The following SOX5 variants were observed in gnomAD, a reference collection of about 807,000 sequenced individuals.
SOX5 encodes transcription factor SOX-5.
A neutral mutation model predicts 92.0 loss-of-function variants in SOX5; 9 were observed. That is an observed-to-expected ratio of 0.10 (90% CI 0.06 to 0.17). The LOEUF is 0.17. Ranked by LOEUF, SOX5 falls within the 10% of genes least tolerant of loss-of-function variation. The pLI is 1.00. For synonymous variants in SOX5, 344 were observed against 336.3 expected, an observed-to-expected ratio of 1.02 and a Z score of -0.25; for missense variants, 642 against 944.5, an observed-to-expected ratio of 0.68 and a Z score of 4.20.
intron 11 of SOX5, 24 bp from the exon 12 acceptor site, chr12:23,546,448 A>G: frequency 7.8e-7 from 1 of 1,286,660 alleles, no homozygotes; most frequent in Non-Finnish European, 1.1e-6. Flanking sequence ...ATAATGAGAG[A>G]TCAGTCTAGG....
chr12:24,069,447 A>G (rs908110382), intron 4 of SOX5, among the ~76,000 whole-genome samples: 7 of 152,350 alleles, frequency 4.6e-5, no homozygotes, highest in South Asian at 4.1e-4. Context: ...TAAAATAGTC[A>G]TATAATTTTA....
intron 1 of SOX5, among the ~76,000 whole-genome samples, chr12:23,901,982 A>C (rs1308488316): frequency 2.0e-5 from 3 of 152,214 alleles, no homozygotes; most frequent in Non-Finnish European, 4.4e-5. Flanking sequence ...AAGCTCTAAT[A>C]ATGTTTTCAA....
chr12:23,560,229 A>G (rs1156430661), intron 11 of SOX5, among the ~76,000 whole-genome samples: 1 of 152,158 alleles, frequency 6.6e-6, no homozygotes, highest in Non-Finnish European at 1.5e-5. Flanking sequence ...TACTTTAGAC[A>G]GAAAAAAATG....
chr12:24,114,205 A>G (rs555131423), intron 4 of SOX5, among the ~76,000 whole-genome samples: 3 of 152,246 alleles, frequency 2.0e-5, no homozygotes, highest in Non-Finnish European at 4.4e-5. Context: ...GGAGAGACAA[A>G]ATTTTCAAAA....
At chr12:24,542,779 T>C (rs1347508149) in intron 1 of SOX5, among the ~76,000 whole-genome samples, 3 of 152,230 alleles carry the variant, frequency 2.0e-5, no homozygotes, top group Non-Finnish European at 4.4e-5. Flanking sequence ...AACCACTATA[T>C]TAGTTGTCAC....
rs542447160 is a variant in SOX5, at chr12:24,458,466, A to G, written c.-250-89827T>C. 1.1e-4 allele frequency among the ~76,000 whole-genome samples: 16 copies of G among 152,284 alleles called. No individual in the cohort carries two copies. The South Asian group carries it at 1.2e-3, about 12-fold the overall frequency. ...CTCAGTCATGTTCAACGTGAGCTGA[A>G]CGCCAAAATCAGCTGGAGAGCTTCT... On this transcript the variant is annotated intron_variant, in intron 1 of 4. Coordinates refer to the SOX5 transcript ENST00000446891.
intron 9 of SOX5, among the ~76,000 whole-genome samples, chr12:23,580,403 C>G (rs955650390): frequency 3.9e-5 from 6 of 151,912 alleles, no homozygotes; most frequent in Non-Finnish European, 7.4e-5. Context: ...CAAACATTTG[C>G]TATTCTATAC....
chr12:23,817,560 T>G (rs571359967), intron 3 of SOX5, among the ~76,000 whole-genome samples: 6 of 152,330 alleles, frequency 3.9e-5, no homozygotes, highest in South Asian at 2.1e-4. Context: ...CATAGAGAGA[T>G]AGATCCAGTG....
chr12:24,345,165 A>C (rs1953082277), intron 2 of SOX5, among the ~76,000 whole-genome samples: 1 of 152,226 alleles, frequency 6.6e-6, no homozygotes, highest in Non-Finnish European at 1.5e-5. Context: ...TTTCTGGTAT[A>C]TTAGACATGG....
At chr12:23,724,090 CT>C (rs1275693257) in intron 6 of SOX5, among the ~76,000 whole-genome samples, 2 of 152,134 alleles carry the variant, frequency 1.3e-5, no homozygotes, top group African/African-American at 4.8e-5. Flanking sequence ...AAATAAATTA[CT>C]TTTAAAAAAA....
intron 4 of SOX5, among the ~76,000 whole-genome samples, chr12:24,016,369 C>T (rs1204861304): frequency 1.3e-5 from 2 of 152,062 alleles, no homozygotes; most frequent in Non-Finnish European, 2.9e-5. Flanking sequence ...TGCTTATGGA[C>T]GAGTAATTGT....
At chr12:24,557,688 A>T (rs1953945353) in intron 1 of SOX5, among the ~76,000 whole-genome samples, 1 of 152,256 alleles carries the variant, frequency 6.6e-6, no homozygotes, top group Non-Finnish European at 1.5e-5. Flanking sequence ...CTATGTACAT[A>T]GGATATCATA....
chr12:23,725,244 T>TA (rs1391776260), intron 6 of SOX5, among the ~76,000 whole-genome samples: 1 of 152,134 alleles, frequency 6.6e-6, no homozygotes, highest in East Asian at 1.9e-4. Context: ...ACACTGCTAA[T>TA]AAAGACATAT....
intron 9 of SOX5, chr12:23,582,017 G>T: frequency 4.2e-6 from 1 of 240,630 alleles, no homozygotes; most frequent in Non-Finnish European, 6.7e-6. Context: ...ATACCATATG[G>T]GGATGAGTAA....
At chr12:24,437,677 G>GA (rs1164960736) in intron 1 of SOX5, among the ~76,000 whole-genome samples, 1 of 152,092 alleles carries the variant, frequency 6.6e-6, no homozygotes, top group African/African-American at 2.4e-5. Flanking sequence ...CATCAAACAT[G>GA]AAAAAAAGCT....
intron 1 of SOX5, among the ~76,000 whole-genome samples, chr12:24,409,397 G>A (rs1028303246): frequency 2.0e-5 from 3 of 151,970 alleles, no homozygotes; most frequent in African/African-American, 7.3e-5. Context: ...AAACCACCAC[G>A]GCACACATAT....
At chr12:24,319,466 T>A (rs891228033) in intron 2 of SOX5, among the ~76,000 whole-genome samples, 1 of 152,162 alleles carries the variant, frequency 6.6e-6, no homozygotes, top group African/African-American at 2.4e-5. Flanking sequence ...CTCCTTTATG[T>A]CCCATAATCA....
chr12:23,896,756 T>C (rs935875760), intron 1 of SOX5, among the ~76,000 whole-genome samples: 2 of 150,862 alleles, frequency 1.3e-5, no homozygotes, highest in Non-Finnish European at 3.0e-5. Context: ...AATATTTCAA[T>C]TCTATTTTCA....
At chr12:23,663,332 TACTA>T (rs748511735) in intron 7 of SOX5, among the ~76,000 whole-genome samples, 59 of 152,284 alleles carry the variant, frequency 3.9e-4, no homozygotes, top group Non-Finnish European at 6.2e-4. Flanking sequence ...ATGGTTAATA[TACTA>T]ACTATTTTGG....
Sources: gnomAD v4.1 joint callset for allele counts (sites outside exome capture counted in the v4.1 genomes callset) on GRCh38, gnomAD v4.1.1 for gene constraint, MANE v1.5 for transcripts, NCBI Gene and HGNC (gene_info 2026-07-23, HGNC 2026-07-21) for gene names.